Variants in PADI3 observed in about 807,000 individuals in gnomAD.
PADI3 encodes peptidyl arginine deiminase 3.
Under a neutral mutation model 71.5 loss-of-function variants are expected in PADI3, and 53 were observed. That is an observed-to-expected ratio of 0.74 (90% CI 0.59 to 0.93). The LOEUF (loss-of-function observed/expected upper bound fraction) is 0.93. Among genes scored for constraint, PADI3 ranks in the 40% least tolerant of loss-of-function variants. The pLI is 0.00. For synonymous variants in PADI3, 361 were observed against 347.5 expected (o/e 1.04, Z -0.43); for missense variants, 821 against 868.0 (o/e 0.95, Z 0.68).
In PADI3 at chr1:17,267,890, T is replaced by C. The variant is rs1191603752; in HGVS notation, c.580T>C (p.Phe194Leu). 6.2e-7 allele frequency: 1 copy of C among 1,614,082 alleles called. No individual in the cohort carries two copies. Among genetic ancestry groups the C allele is most frequent in the African/African-American group, 1.3e-5 (1 of 74,940 alleles). ...VLRTQGPAAL[F>L]DDHKLVLHTS... ...GCGGACGCAGGGCCCTGCAGCCCTC[T>C]TTGATGACCACAAACTTGTCCTCCA... The change falls in exon 6 of 16, where the codon TTT (phenylalanine) becomes CTT (leucine). Residue 194 changes from phenylalanine (F) to leucine (L), a missense_variant. By Grantham distance (22) the Phe-to-Leu change is conservative. Transcript: ENST00000375460.
intron 4 of PADI3, among the ~76,000 whole-genome samples, 167 bp downstream of exon 4, chr1:17,265,887 G>A (rs974994656): frequency 1.3e-5 from 2 of 152,192 alleles, no homozygotes; most frequent in African/African-American, 4.8e-5. Context: ...TCTTTCACCA[G>A]GAGAAAAATC....
chr1:17,283,026 A>G lies in PADI3; in HGVS notation c.1942A>G (p.Thr648Ala), dbSNP rs778818238. Residue 648 changes from threonine to alanine, a missense_variant, in exon 16 of 16, where the codon ACC (threonine) becomes GCC (alanine). By Grantham distance (58) the Thr-to-Ala change is moderately conservative. Transcript: ENST00000375460. ...HMLHGEVHCG[T>A]NVCRKPFSFK... ...GCTGCATGGGGAGGTGCACTGTGGC[A>G]CCAATGTGTGCAGAAAGCCCTTCTC... is the stretch of plus-strand genomic sequence containing the variant. 6.2e-7 allele frequency: 1 copy of G among 1,614,194 alleles called. No homozygotes were observed. Among genetic ancestry groups the G allele is most frequent in the Admixed American group, 1.7e-5 (1 of 60,030 alleles).
In PADI3 at chr1:17,270,338, G is replaced by T. The variant is rs374284289; in HGVS notation, c.758G>T (p.Gly253Val). The change falls in exon 7 of 16, where the codon GGC becomes GTC. Residue 253 changes from glycine (G) to valine (V), a missense_variant. Gly to Val is a moderately radical substitution (Grantham distance 109). Coordinates refer to ENST00000375460, the MANE Select transcript of PADI3 (RefSeq NM_016233.2). ...GATGAGGAGCGCTTCTTCGTGGAAGGCCTGTCCTTCCCTGATGCCGGCTTC... is the reference window on the plus strand; with the variant it reads ...GATGAGGAGCGCTTCTTCGTGGAAGTCCTGTCCTTCCCTGATGCCGGCTTC... ...HGDEERFFVE[G>V]LSFPDAGFTG... 3.1e-6 allele frequency: 5 copies of T among 1,613,896 alleles called. No homozygotes were observed. The highest frequency in any genetic ancestry group is 3.4e-6 in the Non-Finnish European group (4 of 1,180,006).
At chr1:17,249,262 C>T in intron 1 of PADI3, 33 bp downstream of exon 1, 2 of 1,541,042 alleles carry the variant, frequency 1.3e-6, no homozygotes, top group Non-Finnish European at 1.8e-6. Context: ...TTTGCAGGCC[C>T]TTGGTGCTGA....
chr1:17,274,532 A>T, intron 10 of PADI3, 103 bp from the exon 11 acceptor site: 2 of 1,005,304 alleles, frequency 2.0e-6, no homozygotes, highest in Non-Finnish European at 3.0e-6. Flanking sequence ...TGAAGAATGG[A>T]TGGCCTTTCC....
At chr1:17,273,042 T>A (rs2073276554) in intron 9 of PADI3, among the ~76,000 whole-genome samples, 1 of 152,170 alleles carries the variant, frequency 6.6e-6, no homozygotes. Flanking sequence ...CTTCTCTGTG[T>A]CCACCTGCCT....
intron 3 of PADI3, among the ~76,000 whole-genome samples, chr1:17,263,055 C>G (rs1488245685): frequency 1.3e-5 from 2 of 152,200 alleles, no homozygotes; most frequent in African/African-American, 4.8e-5. Flanking sequence ...GCTGCAATTA[C>G]AGACACATGC....
intron 3 of PADI3, among the ~76,000 whole-genome samples, chr1:17,263,781 A>G (rs2073130955): frequency 6.6e-6 from 1 of 152,228 alleles, no homozygotes; most frequent in South Asian, 2.1e-4. Flanking sequence ...TCAATAAGAA[A>G]AGGACAAAAA....
chr1:17,280,077 C>A (rs3003439), intron 13 of PADI3, among the ~76,000 whole-genome samples: 147,325 of 152,278 alleles, frequency 0.97, 71,436 homozygotes, highest in East Asian at 1. Flanking sequence ...TTTCCAGTGA[C>A]AGGCGTTACC....
chr1:17,282,359 C>T (rs897779932), intron 15 of PADI3, among the ~76,000 whole-genome samples: 1 of 152,152 alleles, frequency 6.6e-6, no homozygotes, highest in African/African-American at 2.4e-5. Flanking sequence ...ACTTCTTCTC[C>T]CTCTTCTTCC....
chr1:17,259,794 G>A lies in PADI3; in HGVS notation c.273+36G>A, dbSNP rs756406095. 10 of 1,553,470 alleles carry A rather than the reference G, an allele frequency of 6.4e-6. No individual in the cohort carries two copies. The East Asian group carries it at 6.8e-5, about 11-fold the overall frequency. On this transcript the variant is annotated intron_variant, in intron 2 of 15. Transcript: ENST00000375460. ...CCCTGGTGGGGTGGGGAGAGGTTTCGAGGGAGGCAGCTGTCTAGCTCTAGG... is the reference window on the plus strand; with the variant it reads ...CCCTGGTGGGGTGGGGAGAGGTTTCAAGGGAGGCAGCTGTCTAGCTCTAGG...
At chr1:17,257,129 G>A (rs549701954) in intron 1 of PADI3, among the ~76,000 whole-genome samples, 1 of 151,874 alleles carries the variant, frequency 6.6e-6, no homozygotes, top group Admixed American at 6.6e-5. Context: ...GGTATGAGAG[G>A]CTGCTCTTCC....
chr1:17,254,151 G>A (rs1229830535), intron 1 of PADI3, among the ~76,000 whole-genome samples: 4 of 152,166 alleles, frequency 2.6e-5, no homozygotes, highest in Non-Finnish European at 5.9e-5. Context: ...GATTACAGTG[G>A]GACCATGATT....
chr1:17,265,810 C>T lies in PADI3; in HGVS notation c.408+90C>T, dbSNP rs886137352. 2.7e-5 allele frequency: 30 copies of T among 1,111,340 alleles called. No individual in the cohort carries two copies. In the African/African-American group the frequency reaches 4.3e-4, roughly 16 times the overall value. 68.8% of individuals were successfully genotyped at this position (1,111,340 alleles called of 1,614,324 possible). A position where few individuals can be genotyped will look rare whatever the true frequency, so the allele number is the denominator to read the frequency against. ...AGAAGGATGAGGCCATTACAGATAT[C>T]CCCCTGCCTCCCAGCTGATGCCGAG... is the stretch of plus-strand genomic sequence containing the variant. On this transcript the variant is annotated intron_variant, in intron 4 of 15. Transcript: ENST00000375460.
chr1:17,264,145 T>C (rs1171249940), intron 3 of PADI3, among the ~76,000 whole-genome samples: 1 of 152,220 alleles, frequency 6.6e-6, no homozygotes, highest in Non-Finnish European at 1.5e-5. Flanking sequence ...CATTAGCAAC[T>C]TTTTCCCTTT....
chr1:17,252,536 TG>T (rs2072979354), intron 1 of PADI3, among the ~76,000 whole-genome samples: 1 of 151,974 alleles, frequency 6.6e-6, no homozygotes, highest in Non-Finnish European at 1.5e-5. Flanking sequence ...CCCGAGTAGC[TG>T]GGACTACAGG....
chr1:17,267,855 T>G lies in PADI3; in HGVS notation c.545T>G (p.Val182Gly). The change falls in exon 6 of 16, where the codon GTC (valine) becomes GGC (glycine). Residue 182 changes from valine (V) to glycine (G), a missense_variant. Physicochemically the swap from Val to Gly is moderately radical, Grantham distance 109. Coordinates refer to ENST00000375460, the MANE Select transcript of PADI3 (RefSeq NM_016233.2). ...HCLQDLEDMS[V>G]MVLRTQGPAA... The stretch of plus-strand genomic sequence containing the variant: ...TTCACAGACCTGGAAGACATGTCTG[T>G]CATGGTCCTGCGGACGCAGGGCCCT... 6.2e-7 allele frequency: 1 copy of G among 1,614,002 alleles called. No individual in the cohort carries two copies. The highest frequency in any genetic ancestry group is 8.5e-7 in the Non-Finnish European group (1 of 1,180,034).
rs779877401 is a variant in PADI3, at chr1:17,271,103, A to G, written c.972A>G (p.Ala324=). 1.7e-5 allele frequency: 28 copies of G among 1,614,056 alleles called. No individual in the cohort carries two copies. The highest frequency in any genetic ancestry group is 1.7e-4 in the Middle Eastern group (1 of 6,058). ...RNNTCFVDAV[A]ELARKAGCKL... ...ACACGTGTTTTGTGGATGCGGTGGC[A>G]GAGCTGGCCAGGAAGGCCGGCTGCA... Residue 324 remains alanine, a synonymous_variant, in exon 9 of 16, where the codon GCA becomes GCG. Transcript: ENST00000375460.
intron 4 of PADI3, among the ~76,000 whole-genome samples, chr1:17,266,184 T>C (rs771676607): frequency 2.0e-5 from 3 of 152,230 alleles, no homozygotes; most frequent in African/African-American, 4.8e-5. Flanking sequence ...CAGTTCATAA[T>C]GTGCTGATCC....
Sources: gnomAD v4.1 joint callset for allele counts (sites outside exome capture counted in the v4.1 genomes callset) on GRCh38, gnomAD v4.1.1 for gene constraint, MANE v1.5 for transcripts, NCBI Gene and HGNC (gene_info 2026-07-23, HGNC 2026-07-21) for gene names.